The following DST variants were observed in gnomAD, a reference collection of about 807,000 sequenced individuals.
DST encodes bullous pemphigoid antigen.
DST carries 253 observed loss-of-function variants against 875.2 expected under a neutral mutation model. That is an observed-to-expected ratio of 0.29 (90% CI 0.26 to 0.32). The LOEUF is 0.32. Among genes scored for constraint, DST ranks in the 10% least tolerant of loss-of-function variants. The pLI is 1.00. For missense variants in DST, 8,287 were observed against 9,111.6 expected, an observed-to-expected ratio of 0.91 and a Z score of 3.68; for synonymous variants, 3,124 against 3,197.1, an observed-to-expected ratio of 0.98 and a Z score of 0.77.
At position 56,550,009 on chromosome 6, in the gene DST, C is replaced by T. The variant is rs148721022; in HGVS notation, c.16608+2175G>A. On this transcript the variant is annotated intron_variant, in intron 61 of 103. Coordinates refer to ENST00000680361, the MANE Select transcript of DST (RefSeq NM_001374736.1). ...TGCAGAATAGTAATAGCATCTACCT[C>T]TCATGACTGTTAACAGGATTAAAGA... is the stretch of plus-strand genomic sequence containing the variant. Among the ~76,000 whole-genome samples the T allele has an allele frequency of 1.6e-4, 24 of 152,300 alleles. No individual in the cohort carries two copies. In the East Asian group the frequency reaches 4.4e-3, roughly 28 times the overall value.
chr6:56,646,893 T>C (rs935970264), intron 13 of DST, among the ~76,000 whole-genome samples: 22 of 152,260 alleles, frequency 1.4e-4, no homozygotes, highest in African/African-American at 5.3e-4. Context: ...AATTACTTCA[T>C]TGTAATTCAT....
Position 56,607,101 on chromosome 6 carries a change from A to C in DST, c.7527T>G (p.Ser2509=). The C allele has an allele frequency of 1.2e-6, 2 of 1,612,954 alleles. No individual in the cohort carries two copies. Among genetic ancestry groups the C allele is most frequent in the Non-Finnish European group, 1.7e-6 (2 of 1,179,272 alleles). ...SLPGEQYGQK[S]LNMISSNPQV... is the part of the protein sequence containing the mutation. ...GAGGATTACTAGAAATCATATTTAA[A>C]GATTTCTGTCCATACTGCTCTCCTG... Residue 2509 remains serine, a synonymous_variant, in exon 40 of 104, where the codon TCT becomes TCG. Coordinates refer to ENST00000680361, the MANE Select transcript of DST (RefSeq NM_001374736.1).
chr6:56,618,422 CTCTT>C (rs1371246645), intron 36 of DST: 1 of 1,614,156 alleles, frequency 6.2e-7, no homozygotes, highest in Admixed American at 1.7e-5. Context: ...TTTGGCTGTG[CTCTT>C]TTTTTGAATT....
intron 4 of DST, among the ~76,000 whole-genome samples, chr6:56,814,439 T>A (rs758395618): frequency 4.6e-5 from 7 of 152,192 alleles, no homozygotes; most frequent in Non-Finnish European, 1.0e-4. Flanking sequence ...GCATTAAAAA[T>A]TAGCAGAGAC....
Position 56,578,569 on chromosome 6 carries a change from T to C in DST, c.13027+245A>G, listed in dbSNP as rs57056118. Among the ~76,000 whole-genome samples the C allele has an allele frequency of 0.088, 13,342 of 152,178 alleles. 1,888 individuals carry two copies. Among genetic ancestry groups the C allele is most frequent in the African/African-American group, 0.3 (12,417 of 41,468 alleles). The stretch of plus-strand genomic sequence containing the variant: ...GACATTACATAGCGAGTTCCTGTTA[T>C]GTTTTCTAAATATCAAATTTAAATT... On this transcript the variant is annotated intron_variant, in intron 50 of 103. Transcript: ENST00000680361.
intron 3 of DST, among the ~76,000 whole-genome samples, chr6:56,881,101 G>T (rs991571020): frequency 6.6e-6 from 1 of 151,562 alleles, no homozygotes; most frequent in African/African-American, 2.4e-5. Context: ...CACCCGCCTC[G>T]GTCTCCCGAA....
rs775490741 is a variant in DST, at chr6:56,509,746, G to A, written c.18908C>T (p.Ser6303Leu). The change falls in exon 74 of 104, where the codon TCA becomes TTA. Residue 6303 changes from serine (S) to leucine (L), a missense_variant. Around this residue, in one of 10 missense-constraint regions of DST, gnomAD observed 1,292 missense variants for 1,552.7 expected, o/e 0.83. Transcript: ENST00000680361. ...KEQISENKNV[S>L]VDMEKLQPLY... ...CGGCTGTAGCTTTTCCATGTCTACT[G>A]ACACATTCTTATTTTCACTGATCTG... The A allele has an allele frequency of 9.3e-6, 15 of 1,613,588 alleles. No individual in the cohort carries two copies. The East Asian group carries it at 3.1e-4, about 34-fold the overall frequency.
chr6:56,949,594 G>A (rs1316267328), intron 2 of DST, among the ~76,000 whole-genome samples: 1 of 152,158 alleles, frequency 6.6e-6, no homozygotes, highest in African/African-American at 2.4e-5. Flanking sequence ...CAGTACTTTG[G>A]ACAGAAAGAG....
rs373711358 is a variant in DST at position 56,497,845 on chromosome 6, C to G, written c.20094+11G>C. 1 of 1,587,238 alleles carries G rather than the reference C, an allele frequency of 6.3e-7. No individual in the cohort carries two copies. The highest frequency in any genetic ancestry group is 8.6e-7 in the Non-Finnish European group (1 of 1,167,758). On this transcript the variant is annotated intron_variant, in intron 81 of 103. Coordinates refer to ENST00000680361, the MANE Select transcript of DST (RefSeq NM_001374736.1). ...GCTATAAAAACTTTCAGAATTTATTCTCTTACTCACCTGGCGCAAGGCACC... is the reference window on the plus strand; with the variant it reads ...GCTATAAAAACTTTCAGAATTTATTGTCTTACTCACCTGGCGCAAGGCACC...
At chr6:56,667,283 T>A (rs1563560840) in intron 10 of DST, among the ~76,000 whole-genome samples, 1 of 152,234 alleles carries the variant, frequency 6.6e-6, no homozygotes. Flanking sequence ...TTTTGATTGT[T>A]TATAATTTTG....
intron 4 of DST, among the ~76,000 whole-genome samples, chr6:56,748,239 C>G (rs974473487): frequency 1.3e-5 from 2 of 151,540 alleles, no homozygotes; most frequent in East Asian, 3.9e-4. Flanking sequence ...GGTTGTATAC[C>G]CTGTATATGG....
intron 51 of DST, 43 bp downstream of exon 51, chr6:56,573,636 T>C: frequency 2.0e-6 from 3 of 1,507,764 alleles, no homozygotes; most frequent in Non-Finnish European, 1.8e-6. Context: ...AAAACTGTTT[T>C]TTTAAAAAAC....
Position 56,603,340 on chromosome 6 carries a change from A to T in DST, c.11022T>A (p.Leu3674=), listed in dbSNP as rs776092615. ...MKLAEEFLKS[L]PSDFPRGHVE... is the part of the protein sequence containing the mutation. ...CATGGCCTCTGGGAAAGTCACTGGGAAGAGACTTTAAAAACTCTTCTGCCA... is the reference window on the plus strand; with the variant it reads ...CATGGCCTCTGGGAAAGTCACTGGGTAGAGACTTTAAAAACTCTTCTGCCA... The change falls in exon 42 of 104, where the codon CTT becomes CTA. Residue 3674 remains leucine, a synonymous_variant. Coordinates refer to ENST00000680361, the MANE Select transcript of DST (RefSeq NM_001374736.1). 51 of 1,611,020 alleles carry T rather than the reference A, an allele frequency of 3.2e-5. No individual in the cohort carries two copies. Among genetic ancestry groups the T allele is most frequent in the Non-Finnish European group, 4.0e-5 (47 of 1,179,002 alleles).
chr6:56,676,350 G>A (rs1275936210), intron 9 of DST, among the ~76,000 whole-genome samples: 1 of 152,240 alleles, frequency 6.6e-6, no homozygotes, highest in African/African-American at 2.4e-5. Flanking sequence ...TTACAGGCGT[G>A]AGCCACTGCA....
intron 3 of DST, among the ~76,000 whole-genome samples, chr6:56,876,009 C>T (rs530007872): frequency 1.3e-5 from 2 of 152,208 alleles, no homozygotes; most frequent in Non-Finnish European, 2.9e-5. Context: ...AATCATTCCA[C>T]GTTGTATTTG....
intron 3 of DST, among the ~76,000 whole-genome samples, chr6:56,886,975 C>T (rs1784965715): frequency 6.6e-6 from 1 of 151,940 alleles, no homozygotes; most frequent in Admixed American, 6.6e-5. Context: ...ACCCTTATCA[C>T]TCACTTGGAG....
At chr6:56,763,653 C>T (rs1347726150) in intron 4 of DST, among the ~76,000 whole-genome samples, 2 of 139,884 alleles carry the variant, frequency 1.4e-5, no homozygotes, top group Non-Finnish European at 3.0e-5. Flanking sequence ...GCCGACAGAA[C>T]GAGACTCCTC....
At chr6:56,468,934 TA>T (rs768292616) in intron 98 of DST, 47 bp downstream of exon 98, 702 of 1,479,524 alleles carry the variant, frequency 4.7e-4, no homozygotes, top group Admixed American at 9.2e-4. Context: ...GAATTAAAGT[TA>T]AAAAAAAATC....
At chr6:56,595,908 G>A (rs570346857) in intron 47 of DST, among the ~76,000 whole-genome samples, 18 of 152,162 alleles carry the variant, frequency 1.2e-4, no homozygotes, top group African/African-American at 4.1e-4. Flanking sequence ...GAAGAGAATG[G>A]CTTGGCCCAG....
Sources: allele counts gnomAD v4.1 joint callset (sites outside exome capture counted in the v4.1 genomes callset), GRCh38; gene constraint gnomAD v4.1.1; regional missense constraint gnomAD v4.1.1; transcripts MANE v1.5; gene names NCBI Gene and HGNC (gene_info 2026-07-23, HGNC 2026-07-21).